The following RSPH14 variants were observed in gnomAD, a reference collection of about 807,000 sequenced individuals.
The protein encoded by RSPH14 is radial spoke head 14 homolog.
A neutral mutation model predicts 26.7 loss-of-function variants in RSPH14; 20 were observed. The observed-to-expected ratio is 0.75, with a 90% CI of 0.53 to 1.09. The LOEUF (loss-of-function observed/expected upper bound fraction) is 1.09, where lower values mean the gene tolerates loss of function less well. Among genes scored for constraint, RSPH14 ranks in the 50% least tolerant of loss-of-function variants. The pLI is 0.00. For missense variants in RSPH14, 449 were observed against 457.2 expected (o/e 0.98, Z 0.16); for synonymous variants, 177 against 189.3 (o/e 0.93, Z 0.53).
the RSPH14 span, chr22:23,162,871 A>G: frequency 2.6e-6 from 1 of 387,094 alleles, no homozygotes; most frequent in Admixed American, 3.0e-5. Flanking sequence ...TTTTCTATTC[A>G]TTCCCCCTTC....
chr22:23,171,997 T>TA, the RSPH14 span, among the ~76,000 whole-genome samples: 236 of 152,278 alleles, frequency 1.5e-3, 2 homozygotes, highest in African/African-American at 5.4e-3. Flanking sequence ...CAAAAATTGT[T>TA]AAAAAGCACC....
At position 23,134,074 on chromosome 22, in the gene RSPH14, G is replaced by A. The variant is rs200556810; in HGVS notation, c.373C>T (p.Arg125Trp). ...FLLNDPSPVC[R>W]GNLYKAYMQL... ...ATGTATGCCTTGTACAGGTTCCCCC[G>A]GCAGACTGGGCTGGGGTCATTCAGC... The change falls in exon 4 of 7, where the codon CGG becomes TGG. Residue 125 changes from arginine to tryptophan, a missense_variant. Physicochemically the swap from Arg to Trp is moderately radical, Grantham distance 101 (BLOSUM62 -3). Transcript: ENST00000216036. 5.5e-5 allele frequency: 88 copies of A among 1,613,756 alleles called. No homozygotes were observed. The East Asian group carries it at 5.8e-4, about 11-fold the overall frequency.
intron 4 of RSPH14, among the ~76,000 whole-genome samples, chr22:23,103,522 C>T (rs1005542667): frequency 1.4e-4 from 22 of 152,242 alleles, no homozygotes; most frequent in African/African-American, 4.8e-4. Context: ...TGCATCTGTT[C>T]GTGTTTACCC....
chr22:23,159,252 T>A, the RSPH14 span: 1 of 1,586,636 alleles, frequency 6.3e-7, no homozygotes, highest in African/African-American at 1.3e-5. Context: ...CGGCCAAGAC[T>A]GGTGAGTGGG....
chr22:23,158,091 C>T, the RSPH14 span: 1 of 1,610,034 alleles, frequency 6.2e-7, no homozygotes, highest in Non-Finnish European at 8.5e-7. Context: ...GCTCAGGAAG[C>T]TGCCTGGAAG....
chr22:23,171,291 C>T, the RSPH14 span, among the ~76,000 whole-genome samples: 5 of 152,228 alleles, frequency 3.3e-5, no homozygotes, highest in East Asian at 3.9e-4. Flanking sequence ...GGCAGGTTCA[C>T]TCCTCCTTAG....
intron 4 of RSPH14, among the ~76,000 whole-genome samples, chr22:23,127,069 G>A (rs2070201455): frequency 6.6e-6 from 1 of 152,186 alleles, no homozygotes; most frequent in Non-Finnish European, 1.5e-5. Flanking sequence ...ACCAGGCCAG[G>A]ACCTGAGGGG....
chr22:23,081,071 ACT>A (rs2068664010), intron 4 of RSPH14, among the ~76,000 whole-genome samples: 1 of 152,156 alleles, frequency 6.6e-6, no homozygotes, highest in Non-Finnish European at 1.5e-5. Flanking sequence ...GTGGGCTGTG[ACT>A]GTATAGAGGG....
chr22:23,065,534 CA>C (rs10562943), intron 4 of RSPH14, among the ~76,000 whole-genome samples: 226 of 45,136 alleles, frequency 5.0e-3, no homozygotes, highest in African/African-American at 0.017. Context: ...GCACAGATTG[CA>C]AAAAAAAAAA....
At chr22:23,095,084 G>A (rs3810614) in intron 4 of RSPH14, among the ~76,000 whole-genome samples, 50,524 of 152,136 alleles carry the variant, frequency 0.33, 8,930 homozygotes, top group African/African-American at 0.46. Context: ...CATGGTGTGG[G>A]CCCTACAGCG....
chr22:23,140,417 C>T lies in RSPH14; in HGVS notation c.4G>A (p.Ala2Thr), dbSNP rs777957849. The change falls in exon 2 of 7, where the codon GCC becomes ACC. Residue 2 changes from alanine to threonine, a missense_variant. By Grantham distance (58) the Ala-to-Thr change is moderately conservative. Coordinates refer to ENST00000216036, the MANE Select transcript of RSPH14 (RefSeq NM_014433.3). M[A>T]HSQNSLELPI... The stretch of plus-strand genomic sequence containing the variant: ...AGCTCCAAGGAGTTCTGGGAATGGG[C>T]CATCTTTCCCCAACTACAGAGGCCT... The T allele has an allele frequency of 5.6e-6, 9 of 1,614,026 alleles. No homozygotes were observed. Among genetic ancestry groups the T allele is most frequent in the East Asian group, 4.5e-5 (2 of 44,890 alleles).
At chr22:23,073,768 G>C (rs1043486926) in intron 4 of RSPH14, among the ~76,000 whole-genome samples, 6 of 152,226 alleles carry the variant, frequency 3.9e-5, no homozygotes, top group African/African-American at 1.4e-4. Context: ...ACATTTACCA[G>C]CGCCTGCTGC....
intron 1 of RSPH14, among the ~76,000 whole-genome samples, 194 bp from the exon 2 acceptor site, chr22:23,140,666 CA>C (rs2070581448): frequency 6.6e-6 from 1 of 152,190 alleles, no homozygotes. Context: ...GCCCAAACTG[CA>C]AACTCCAGAG....
chr22:23,145,421 A>G (rs987496160), upstream of RSPH14: 5 of 1,610,562 alleles, frequency 3.1e-6, no homozygotes, highest in African/African-American at 6.7e-5. Flanking sequence ...AGTCCAACGC[A>G]GACCCCGCCC....
chr22:23,095,894 A>G, intron 4 of RSPH14: 1 of 1,613,728 alleles, frequency 6.2e-7, no homozygotes, highest in South Asian at 1.1e-5. Context: ...GGAGGCCTGC[A>G]AGGAGTACAA....
intron 5 of RSPH14, among the ~76,000 whole-genome samples, chr22:23,062,705 C>G (rs1018561310): frequency 6.6e-6 from 1 of 152,234 alleles, no homozygotes; most frequent in African/African-American, 2.4e-5. Flanking sequence ...ACACTGGGAG[C>G]CTTTCAGGGC....
At chr22:23,179,295 C>G in the RSPH14 span, among the ~76,000 whole-genome samples, 5 of 152,170 alleles carry the variant, frequency 3.3e-5, no homozygotes, top group African/African-American at 4.8e-5. Flanking sequence ...GGTCAGGACT[C>G]AAGCCCAGTA....
chr22:23,169,831 G>A, the RSPH14 span, among the ~76,000 whole-genome samples: 5,540 of 152,180 alleles, frequency 0.036, 320 homozygotes, highest in African/African-American at 0.13. Context: ...GGCTGGGTGC[G>A]GTGGTGCACA....
the RSPH14 span, among the ~76,000 whole-genome samples, chr22:23,174,097 AG>A: frequency 6.6e-6 from 1 of 151,942 alleles, no homozygotes; most frequent in Non-Finnish European, 1.5e-5. Flanking sequence ...TCTCCAGCAG[AG>A]GGGGCGGTTG....
Sources: gnomAD v4.1 joint callset for allele counts (sites outside exome capture counted in the v4.1 genomes callset) on GRCh38, gnomAD v4.1.1 for gene constraint, MANE v1.5 for transcripts, NCBI Gene and HGNC (gene_info 2026-07-23, HGNC 2026-07-21) for gene names.